SAMD9L: variants seen among roughly 807,000 people sequenced by gnomAD.
The protein encoded by SAMD9L is sterile alpha motif domain-containing protein 9-like.
SAMD9L carries 68 observed loss-of-function variants against 90.7 expected under a neutral mutation model. The observed-to-expected ratio is 0.75, with a 90% CI of 0.62 to 0.92. The LOEUF is 0.92. Ranked by LOEUF, SAMD9L falls within the 40% of genes least tolerant of loss-of-function variation. The pLI is 0.00. For synonymous variants in SAMD9L, 640 were observed against 630.1 expected (o/e 1.02, Z -0.23); for missense variants, 1,604 against 1,824.3 (o/e 0.88, Z 2.20).
intron 4 of SAMD9L, among the ~76,000 whole-genome samples, chr7:93,136,671 A>T (rs1223393175): frequency 6.6e-6 from 1 of 152,210 alleles, no homozygotes; most frequent in African/African-American, 2.4e-5. Context: ...AGCCATTTTC[A>T]CCTAAATTAT....
intron 2 of SAMD9L, among the ~76,000 whole-genome samples, chr7:93,146,498 G>A (rs1792896969): frequency 6.6e-6 from 1 of 152,134 alleles, no homozygotes; most frequent in East Asian, 1.9e-4. Context: ...CACTCCATAA[G>A]GACAAATTTC....
In SAMD9L at chr7:93,135,579, T is replaced by A; in HGVS notation, c.393A>T (p.Gln131His). The A allele has an allele frequency of 6.2e-7, 1 of 1,614,028 alleles. No individual in the cohort carries two copies. Among genetic ancestry groups the A allele is most frequent in the Non-Finnish European group, 8.5e-7 (1 of 1,179,950 alleles). The change falls in exon 5 of 5, where the codon CAA becomes CAT. Residue 131 changes from glutamine (Q) to histidine (H), a missense_variant. Transcript: ENST00000318238. The stretch of plus-strand genomic sequence containing the variant: ...TTTCTTTCATAAGAATTGATTCTTC[T>A]TGTTTGATATCTCTGATCTCTCTGG... ...YDPREIRDIK[Q>H]EESILMKENV...
At position 93,132,220 on chromosome 7, in the gene SAMD9L, C is replaced by T; in HGVS notation, c.3752G>A (p.Ser1251Asn). 6.2e-7 allele frequency: 1 copy of T among 1,613,786 alleles called. No individual in the cohort carries two copies. Among genetic ancestry groups the T allele is most frequent in the Non-Finnish European group, 8.5e-7 (1 of 1,179,868 alleles). Residue 1251 changes from serine to asparagine, a missense_variant, in exon 5 of 5, where the codon AGC (serine) becomes AAC (asparagine). Coordinates refer to ENST00000318238, the MANE Select transcript of SAMD9L (RefSeq NM_152703.5). ...ATTTTTTAGGTGGGATGTGAACTTG[C>T]TAAGAGCCAAATAACATTCATTTCT... ...DPRNECYLAL[S>N]KFTSHLKNLQ...
intron 4 of SAMD9L, among the ~76,000 whole-genome samples, chr7:93,142,826 T>G (rs1792744181): frequency 6.6e-6 from 1 of 152,222 alleles, no homozygotes; most frequent in African/African-American, 2.4e-5. Flanking sequence ...TGTGAGGCAG[T>G]ATCTTCTCCT....
chr7:93,134,713 A>ACAAGAATG lies in SAMD9L; in HGVS notation c.1251_1258dup (p.Val420AlafsTer4). Reference sequence around the variant, plus strand: ...TTGGTTTGGATGGCATTTATTTGTTACAAGAATGTACCAGTCATAGTATGA... The same window carrying ACAAGAATG: ...TTGGTTTGGATGGCATTTATTTGTTACAAGAATGCAAGAATGTACCAGTCATAGTATGA... On this transcript the variant is annotated frameshift_variant, in exon 5 of 5. Transcript: ENST00000318238. LOFTEE classifies it low-confidence loss of function (END_TRUNC). 1.2e-6 allele frequency: 2 copies of ACAAGAATG among 1,613,566 alleles called. No individual in the cohort carries two copies. Among genetic ancestry groups the ACAAGAATG allele is most frequent in the Non-Finnish European group, 1.7e-6 (2 of 1,179,916 alleles).
chr7:93,131,652 C>T lies in SAMD9L; in HGVS notation c.4320G>A (p.Glu1440=). 2.5e-6 allele frequency: 4 copies of T among 1,613,848 alleles called. No individual in the cohort carries two copies. The highest frequency in any genetic ancestry group is 3.4e-6 in the Non-Finnish European group (4 of 1,179,886). Residue 1440 remains glutamate, a synonymous_variant, in exon 5 of 5, where the codon GAG becomes GAA. Transcript: ENST00000318238. ...CTATTAGTTTGGAATCTTGATCTAG[C>T]TCTTGATTTTCTGGCCAGAACAGGA... ...ACLLFWPENQ[E]LDQDSKLIEK...
Position 93,132,424 on chromosome 7 carries a change from T to G in SAMD9L, c.3548A>C (p.Gln1183Pro). The change falls in exon 5 of 5, where the codon CAG (glutamine) becomes CCG (proline). Residue 1183 changes from glutamine to proline, a missense_variant. Transcript: ENST00000318238. ...KNYETENWSP[Q>P]KSQRRYDMYN... ...CATGTCATATCGTCTCTGGGACTTCTGTGGTGACCAGTTCTCGGTTTCATA... is the reference window on the plus strand; with the variant it reads ...CATGTCATATCGTCTCTGGGACTTCGGTGGTGACCAGTTCTCGGTTTCATA... The G allele has an allele frequency of 6.2e-7, 1 of 1,613,712 alleles. No individual in the cohort carries two copies. The highest frequency in any genetic ancestry group is 1.1e-5 in the South Asian group (1 of 91,024).
At chr7:93,137,646 T>G (rs140441312) in intron 4 of SAMD9L, among the ~76,000 whole-genome samples, 5 of 151,998 alleles carry the variant, frequency 3.3e-5, no homozygotes, top group African/African-American at 1.2e-4. Flanking sequence ...TTGTCTCCCA[T>G]GAAGCTGGTC....
chr7:93,141,916 A>G (rs1379704722), intron 4 of SAMD9L, among the ~76,000 whole-genome samples: 1 of 152,224 alleles, frequency 6.6e-6, no homozygotes, highest in Non-Finnish European at 1.5e-5. Flanking sequence ...AAGGTCTGAC[A>G]TGATATGTCC....
chr7:93,133,312 T>C lies in SAMD9L; in HGVS notation c.2660A>G (p.Tyr887Cys), dbSNP rs750736998. Residue 887 changes from tyrosine to cysteine, a missense_variant, in exon 5 of 5, where the codon TAT (tyrosine) becomes TGT (cysteine). Transcript: ENST00000318238. ...ATTGCTTTTCATGATCATGAAGGAA[T>C]AAAAGTTTTCACAGTTCTTGTGCTG... ...EKQHKNCENFYSFMIMKSNFD... is the reference protein window; with the variant it reads ...EKQHKNCENFCSFMIMKSNFD... 10 of 1,612,542 alleles carry C rather than the reference T, an allele frequency of 6.2e-6. No homozygotes were observed. Among genetic ancestry groups the C allele is most frequent in the African/African-American group, 2.7e-5 (2 of 74,816 alleles).
In SAMD9L at chr7:93,133,272, A is replaced by G; in HGVS notation, c.2700T>C (p.Tyr900=). ...GGATATTCCTGACTACATTTTCTAT[A>G]TATGTTTCATCAAAATTGCTTTTCA... is the stretch of plus-strand genomic sequence containing the variant. ...MIMKSNFDET[Y]IENVVRNILK... Residue 900 remains tyrosine (Y), a synonymous_variant, in exon 5 of 5, where the codon TAT becomes TAC. Transcript: ENST00000318238. The G allele has an allele frequency of 1.2e-6, 2 of 1,612,698 alleles. No individual in the cohort carries two copies. Among genetic ancestry groups the G allele is most frequent in the South Asian group, 1.1e-5 (1 of 90,974 alleles).
At position 93,132,753 on chromosome 7, in the gene SAMD9L, T is replaced by C; in HGVS notation, c.3219A>G (p.Ala1073=). The C allele has an allele frequency of 2.5e-6, 4 of 1,613,818 alleles. No individual in the cohort carries two copies. Among genetic ancestry groups the C allele is most frequent in the Non-Finnish European group, 3.4e-6 (4 of 1,179,812 alleles). Residue 1073 remains alanine, a synonymous_variant, in exon 5 of 5, where the codon GCA becomes GCG. Coordinates refer to ENST00000318238, the MANE Select transcript of SAMD9L (RefSeq NM_152703.5). ...CATTTTGTGGGAATCGTCTACTTCC[T>C]GCACTCAAGACCTTTTCAATGTCTT... ...QNKDIEKVLS[A]GSRRFPQNAF...
chr7:93,139,443 G>T (rs781236903), intron 4 of SAMD9L, among the ~76,000 whole-genome samples: 2 of 152,156 alleles, frequency 1.3e-5, no homozygotes, highest in Non-Finnish European at 2.9e-5. Flanking sequence ...TATGACTGAG[G>T]TTTTTGTGAA....
At chr7:93,145,335 A>T (rs1792848640) in intron 3 of SAMD9L, 50 bp downstream of exon 3, 1 of 152,268 alleles carries the variant, frequency 6.6e-6, no homozygotes, top group Non-Finnish European at 1.5e-5. Flanking sequence ...TTTTAAAGAT[A>T]GCTTTTAAAG....
Position 93,145,414 on chromosome 7 carries a change from T to C in SAMD9L, c.-152A>G, listed in dbSNP as rs1357655638. 3 of 152,238 alleles carry C rather than the reference T, an allele frequency of 2.0e-5. No homozygotes were observed. The highest frequency in any genetic ancestry group is 4.4e-5 in the Non-Finnish European group (3 of 68,044). 9.4% of individuals were successfully genotyped at this position (152,238 alleles called of 1,614,324 possible). A position where few individuals can be genotyped will look rare whatever the true frequency, so the allele number is the denominator to read the frequency against. ...GCTTTTCTGAAAACTTCTATCTTTA[T>C]ATTAGAAACATAAAATAAGTCTTCA... On this transcript the variant is annotated 5_prime_UTR_variant, in exon 3 of 5. In the 5' UTR this introduces an upstream ATG that the reference lacks. Coordinates refer to ENST00000318238, the MANE Select transcript of SAMD9L (RefSeq NM_152703.5).
Position 93,132,528 on chromosome 7 carries a change from G to A in SAMD9L, c.3444C>T (p.Asp1148=). ...NKNCRSITVN[D]LTHLLEAAEK... is the part of the protein sequence containing the mutation. ...CCGCAGCTTCTAGGAGATGTGTTAGGTCATTAACAGTAATGCTCCTACAGT... is the reference window on the plus strand; with the variant it reads ...CCGCAGCTTCTAGGAGATGTGTTAGATCATTAACAGTAATGCTCCTACAGT... The change falls in exon 5 of 5, where the codon GAC becomes GAT. Residue 1148 remains aspartate, a synonymous_variant. Transcript: ENST00000318238. The A allele has an allele frequency of 6.2e-7, 1 of 1,613,752 alleles. No homozygotes were observed. The highest frequency in any genetic ancestry group is 8.5e-7 in the Non-Finnish European group (1 of 1,179,764).
chr7:93,130,933 A>G lies in SAMD9L; in HGVS notation c.*284T>C, dbSNP rs1380390824. 1 of 265,738 alleles carries G rather than the reference A, an allele frequency of 3.8e-6. No individual in the cohort carries two copies. The highest frequency in any genetic ancestry group is 7.2e-5 in the East Asian group (1 of 13,862). The allele number at this position is 265,738 out of a possible 1,614,324, so 16.5% of individuals were successfully genotyped here. On this transcript the variant is annotated 3_prime_UTR_variant, in exon 5 of 5. Transcript: ENST00000318238. ...TTTAACACAGATTTTATTGCCCTAT[A>G]GACAGTTATGATGTGACCAGTGGAT... is the stretch of plus-strand genomic sequence containing the variant.
Position 93,131,835 on chromosome 7 carries a change from C to T in SAMD9L, c.4137G>A (p.Glu1379=), listed in dbSNP as rs1362400067. 4 of 1,612,538 alleles carry T rather than the reference C, an allele frequency of 2.5e-6. No individual in the cohort carries two copies. The highest frequency in any genetic ancestry group is 1.3e-5 in the African/African-American group (1 of 75,004). Reference sequence around the variant, plus strand: ...TGTTGGCCAAAATGGAATTTTGTTTCTCATTTGTCATGGGCTTTTTTGAGT... The same window carrying T: ...TGTTGGCCAAAATGGAATTTTGTTTTTCATTTGTCATGGGCTTTTTTGAGT... ...QQNSKKPMTN[E]KQNSILANII... is the part of the protein sequence containing the mutation. Residue 1379 remains glutamate (E), a synonymous_variant, in exon 5 of 5, where the codon GAG becomes GAA. Transcript: ENST00000318238.
rs571356496 is a variant in SAMD9L at position 93,132,932 on chromosome 7, T to G, written c.3040A>C (p.Asn1014His). The part of the protein sequence containing the change: ...YHLDKCQIAL[N>H]ILEENLFYDS... Reference sequence around the variant, plus strand: ...TAGAATAAATTCTCTTCTAATATATTCAATGCAATTTGACATTTATCCAAG... The same window carrying G: ...TAGAATAAATTCTCTTCTAATATATGCAATGCAATTTGACATTTATCCAAG... The change falls in exon 5 of 5, where the codon AAT becomes CAT. Residue 1014 changes from asparagine (N) to histidine (H), a missense_variant. By Grantham distance (68) the Asn-to-His change is moderately conservative (BLOSUM62 1). Coordinates refer to ENST00000318238, the MANE Select transcript of SAMD9L (RefSeq NM_152703.5). 1 of 1,613,520 alleles carries G rather than the reference T, an allele frequency of 6.2e-7. No individual in the cohort carries two copies. The highest frequency in any genetic ancestry group is 1.1e-5 in the South Asian group (1 of 91,064).
Sources: allele counts gnomAD v4.1 joint callset (sites outside exome capture counted in the v4.1 genomes callset), GRCh38; gene constraint gnomAD v4.1.1; transcripts MANE v1.5; gene names NCBI Gene and HGNC (gene_info 2026-07-23, HGNC 2026-07-21).